The following COL21A1 variants were observed in gnomAD, a reference collection of about 807,000 sequenced individuals.
COL21A1 encodes collagen type XXI alpha 1 chain.
A neutral mutation model predicts 137.9 loss-of-function variants in COL21A1; 149 were observed. The ratio of observed to expected loss-of-function variants is 1.08; its 90% CI spans 0.95 to 1.24. COL21A1 has a LOEUF of 1.24. Among genes scored for constraint, COL21A1 ranks in the 50% most tolerant of loss-of-function variants. COL21A1 has a pLI of 0.00. For missense variants in COL21A1, 1,167 were observed against 1,158.4 expected (o/e 1.01, Z -0.11); for synonymous variants, 456 against 391.5 (o/e 1.16, Z -1.95).
intron 1 of COL21A1, among the ~76,000 whole-genome samples, chr6:56,298,282 T>C (rs982796621): frequency 6.6e-6 from 1 of 152,012 alleles, no homozygotes; most frequent in African/African-American, 2.4e-5. Flanking sequence ...CAATTTTAGA[T>C]ATATTTAACT....
chr6:56,224,203 A>C (rs1421296555), intron 1 of COL21A1, among the ~76,000 whole-genome samples: 1 of 152,122 alleles, frequency 6.6e-6, no homozygotes, highest in Non-Finnish European at 1.5e-5. Context: ...CAACCAATGC[A>C]AACATGAAGC....
intron 1 of COL21A1, among the ~76,000 whole-genome samples, chr6:56,364,842 C>T (rs368278388): frequency 3.3e-5 from 5 of 151,286 alleles, no homozygotes; most frequent in African/African-American, 1.2e-4. Context: ...TTTACCACAG[C>T]TATTATTGGG....
intron 1 of COL21A1, among the ~76,000 whole-genome samples, chr6:56,367,702 T>C (rs2152349582): frequency 6.6e-6 from 1 of 152,284 alleles, no homozygotes; most frequent in South Asian, 2.1e-4. Context: ...TTCATCTAGT[T>C]TTCTATTACT....
At chr6:56,337,120 A>G (rs1312348197) in intron 1 of COL21A1, among the ~76,000 whole-genome samples, 1 of 152,128 alleles carries the variant, frequency 6.6e-6, no homozygotes, top group East Asian at 1.9e-4. Flanking sequence ...CTTTTCCTGG[A>G]TGCTCTTCTT....
rs553480411 is a variant in COL21A1, at chr6:56,180,858, G to A, written c.89-729C>T. On this transcript the variant is annotated intron_variant, in intron 2 of 29. Coordinates refer to ENST00000244728, the MANE Select transcript of COL21A1 (RefSeq NM_030820.4). ...CTGTTCTTTTCTGCGCATTCTGTTA[G>A]CCATTCCAAACTATTGGAATTGCCC... is the stretch of plus-strand genomic sequence containing the variant. Among the ~76,000 whole-genome samples, 6 of 152,294 alleles carry A rather than the reference G, an allele frequency of 3.9e-5. No individual in the cohort carries two copies. The South Asian group carries it at 6.2e-4, about 16-fold the overall frequency.
chr6:56,262,999 A>G (rs181856962), intron 1 of COL21A1, among the ~76,000 whole-genome samples: 2 of 152,194 alleles, frequency 1.3e-5, no homozygotes, highest in African/African-American at 2.4e-5. Context: ...TAAAATATAT[A>G]ATCTTGAACA....
At chr6:56,289,859 C>A (rs990079164) in intron 1 of COL21A1, among the ~76,000 whole-genome samples, 2 of 152,066 alleles carry the variant, frequency 1.3e-5, no homozygotes, top group African/African-American at 2.4e-5. Flanking sequence ...ATATAAACTG[C>A]CTGATGTTTG....
intron 10 of COL21A1, among the ~76,000 whole-genome samples, chr6:56,144,019 A>G (rs1162088445): frequency 6.6e-6 from 1 of 152,182 alleles, no homozygotes; most frequent in African/African-American, 2.4e-5. Flanking sequence ...AAGAAATTCA[A>G]TCTACATGGA....
intron 22 of COL21A1, among the ~76,000 whole-genome samples, chr6:56,067,713 A>C (rs9396171): frequency 6.6e-6 from 1 of 151,476 alleles, no homozygotes; most frequent in Non-Finnish European, 1.5e-5. Context: ...TAGTAGCCAC[A>C]AGTTTATAGG....
intron 1 of COL21A1, among the ~76,000 whole-genome samples, chr6:56,307,599 C>T (rs575290888): frequency 9.2e-5 from 14 of 152,308 alleles, no homozygotes; most frequent in South Asian, 4.1e-4. Flanking sequence ...GGGAGTGACC[C>T]GATTTTCCAG....
At chr6:56,119,377 AG>A (rs1772250461) in intron 16 of COL21A1, among the ~76,000 whole-genome samples, 1 of 152,180 alleles carries the variant, frequency 6.6e-6, no homozygotes, top group Admixed American at 6.5e-5. Context: ...CTACAATGAA[AG>A]TTATAAAACA....
chr6:56,253,833 T>G (rs1782910259), intron 1 of COL21A1, among the ~76,000 whole-genome samples: 1 of 152,230 alleles, frequency 6.6e-6, no homozygotes, highest in Admixed American at 6.5e-5. Context: ...TAATAACTAT[T>G]TTAATAAGTT....
At chr6:56,067,163 G>A in intron 23 of COL21A1, 132 bp downstream of exon 23, 1 of 746,118 alleles carries the variant, frequency 1.3e-6, no homozygotes, top group South Asian at 2.6e-5. Flanking sequence ...AAGCTCAATA[G>A]CAAAAGGAGA....
At chr6:56,098,030 T>TAA (rs1491391043) in intron 17 of COL21A1, among the ~76,000 whole-genome samples, 1 of 16,586 alleles carries the variant, frequency 6.0e-5, no homozygotes, top group African/African-American at 3.5e-4. Flanking sequence ...TAAATATATA[T>TAA]GTAAATATAT....
At chr6:56,374,413 A>G (rs1373175294) in intron 1 of COL21A1, among the ~76,000 whole-genome samples, 1 of 152,224 alleles carries the variant, frequency 6.6e-6, no homozygotes, top group African/African-American at 2.4e-5. Flanking sequence ...TTAAAGTGAA[A>G]GAACCAAGAA....
rs751968937 is a variant in COL21A1, at chr6:56,166,957, G to A, written c.1227C>T (p.Tyr409=). 7 of 1,612,420 alleles carry A rather than the reference G, an allele frequency of 4.3e-6. No homozygotes were observed. In the South Asian group the frequency reaches 7.7e-5, roughly 18 times the overall value. The change falls in exon 7 of 30, where the codon TAC becomes TAT. Residue 409 remains tyrosine, a synonymous_variant. Coordinates refer to ENST00000244728, the MANE Select transcript of COL21A1 (RefSeq NM_030820.4). ...VQFDVQKLRI[Y]CDPEQNNRET... is the part of the protein sequence containing the mutation. ...CCCGGTTGTTCTGTTCTGGGTCACA[G>A]TAGATTCGCAACTTTTGGACATCAA...
intron 12 of COL21A1, among the ~76,000 whole-genome samples, chr6:56,139,653 T>G (rs1774269733): frequency 6.6e-6 from 1 of 152,172 alleles, no homozygotes. Flanking sequence ...TTCTCTAACA[T>G]TTTTTAGCTT....
In COL21A1 at chr6:56,131,029, T is replaced by C. The variant is rs568792181; in HGVS notation, c.1543-4880A>G. On this transcript the variant is annotated intron_variant, in intron 12 of 29. Coordinates refer to ENST00000244728, the MANE Select transcript of COL21A1 (RefSeq NM_030820.4). ...GCCACTGGGTCATTTGTTACTATAA[T>C]GCAGCTTAGCCTAAGTTAATTAGTA... Among the ~76,000 whole-genome samples, 12 of 152,174 alleles carry C rather than the reference T, an allele frequency of 7.9e-5. No individual in the cohort carries two copies. In the South Asian group the frequency reaches 2.5e-3, roughly 32 times the overall value.
intron 12 of COL21A1, among the ~76,000 whole-genome samples, chr6:56,139,161 C>T (rs1774216550): frequency 6.6e-6 from 1 of 152,134 alleles, no homozygotes; most frequent in Non-Finnish European, 1.5e-5. Flanking sequence ...TAAAGGATCA[C>T]TCAAAGATAT....
Sources: gnomAD v4.1 joint callset for allele counts (sites outside exome capture counted in the v4.1 genomes callset) on GRCh38, gnomAD v4.1.1 for gene constraint, MANE v1.5 for transcripts, NCBI Gene and HGNC (gene_info 2026-07-23, HGNC 2026-07-21) for gene names.